The following FHOD3 variants were observed in gnomAD, a reference collection of about 807,000 sequenced individuals.
The protein encoded by FHOD3 is FH1/FH2 domain-containing protein 3.
In FHOD3, 90 loss-of-function variants were observed where a neutral mutation model predicts 173.0. That is an observed-to-expected ratio of 0.52 (90% CI 0.44 to 0.62). FHOD3 has a LOEUF of 0.62. Among genes scored for constraint, FHOD3 ranks in the 20% least tolerant of loss-of-function variants. FHOD3 has a pLI of 0.00. For synonymous variants in FHOD3, 828 were observed against 823.0 expected (o/e 1.01, Z -0.10); for missense variants, 1,945 against 2,034.7 (o/e 0.96, Z 0.85).
chr18:36,730,825 C>A (rs1437054976), intron 20 of FHOD3, 21 bp downstream of exon 20: 2 of 1,610,026 alleles, frequency 1.2e-6, no homozygotes, highest in Admixed American at 1.7e-5. Context: ...CTCTATTAAG[C>A]ATTATTTGTA....
At chr18:36,703,063 C>A (rs1286999614) in intron 17 of FHOD3, among the ~76,000 whole-genome samples, 2 of 152,152 alleles carry the variant, frequency 1.3e-5, no homozygotes, top group African/African-American at 2.4e-5. Flanking sequence ...ATAGGGAGGT[C>A]ATGGGACCAT....
At chr18:36,773,967 A>T (rs1473873922) in intron 28 of FHOD3, among the ~76,000 whole-genome samples, 2 of 152,212 alleles carry the variant, frequency 1.3e-5, no homozygotes, top group Admixed American at 1.3e-4. Context: ...TGGGAAGGGG[A>T]AAGGCAGTTT....
intron 3 of FHOD3, among the ~76,000 whole-genome samples, chr18:36,435,551 C>G (rs1018283017): frequency 1.3e-5 from 2 of 152,006 alleles, no homozygotes; most frequent in Non-Finnish European, 2.9e-5. Context: ...AAGACTACAT[C>G]AAAAATGTTT....
chr18:36,690,430 C>T (rs1488440331), intron 16 of FHOD3, among the ~76,000 whole-genome samples: 4 of 152,080 alleles, frequency 2.6e-5, no homozygotes, highest in East Asian at 1.9e-4. Flanking sequence ...AGCAGGGATA[C>T]GTGACAGTCA....
At chr18:36,299,916 G>A (rs1393813973) in intron 1 of FHOD3, among the ~76,000 whole-genome samples, 1 of 152,218 alleles carries the variant, frequency 6.6e-6, no homozygotes, top group Non-Finnish European at 1.5e-5. Context: ...CTTTATTGAT[G>A]AGGGTTCTGT....
At chr18:36,525,038 T>C (rs1345966582) in intron 5 of FHOD3, among the ~76,000 whole-genome samples, 1 of 152,192 alleles carries the variant, frequency 6.6e-6, no homozygotes, top group Non-Finnish European at 1.5e-5. Flanking sequence ...AATTCTAAGG[T>C]GGCCCAGAAG....
At chr18:36,365,045 A>G (rs1313408846) in intron 2 of FHOD3, among the ~76,000 whole-genome samples, 1 of 152,186 alleles carries the variant, frequency 6.6e-6, no homozygotes, top group Middle Eastern at 3.2e-3. Context: ...GTGGAAGACA[A>G]GAGAATGAGC....
In FHOD3 at chr18:36,608,999, A is replaced by G. The variant is rs138544525; in HGVS notation, c.814-2953A>G. Among the ~76,000 whole-genome samples, 6 of 152,366 alleles carry G rather than the reference A, an allele frequency of 3.9e-5. No individual in the cohort carries two copies. The South Asian group carries it at 6.2e-4, about 16-fold the overall frequency. ...GGCTTTGCCACAATGGTTTTATCCT[A>G]CAAGAAAGACTTGGTGCAATCAATG... On this transcript the variant is annotated intron_variant, in intron 8 of 28. Transcript: ENST00000590592.
intron 3 of FHOD3, among the ~76,000 whole-genome samples, chr18:36,497,268 G>A (rs1193271993): frequency 5.3e-5 from 8 of 152,182 alleles, no homozygotes; most frequent in Non-Finnish European, 8.8e-5. Context: ...GCAAAAAAGA[G>A]GAGAGGTTTT....
chr18:36,759,517 A>G (rs1368100955), intron 26 of FHOD3, among the ~76,000 whole-genome samples: 2 of 152,240 alleles, frequency 1.3e-5, no homozygotes, highest in African/African-American at 4.8e-5. Context: ...TCCTGAAATC[A>G]AAGAGGAAGT....
Position 36,556,412 on chromosome 18 carries a change from T to G in FHOD3, c.512-20039T>G, listed in dbSNP as rs192153586. ...GAGGGTCAACATTTTGTTCTGGTGG[T>G]TTAGCAGACCCAACTATGGAACTTG... On this transcript the variant is annotated intron_variant, in intron 5 of 28. Coordinates refer to ENST00000590592, the MANE Select transcript of FHOD3 (RefSeq NM_001281740.3). Among the ~76,000 whole-genome samples the G allele has an allele frequency of 4.3e-4, 65 of 152,312 alleles. No homozygotes were observed. In the East Asian group the frequency reaches 8.5e-3, roughly 20 times the overall value.
intron 28 of FHOD3, among the ~76,000 whole-genome samples, chr18:36,771,957 T>C (rs141928080): frequency 6.6e-6 from 1 of 152,322 alleles, no homozygotes; most frequent in Non-Finnish European, 1.5e-5. Flanking sequence ...CATGGCCCCA[T>C]CCTCTGGTCT....
chr18:36,667,019 T>C (rs967846741), intron 14 of FHOD3, among the ~76,000 whole-genome samples: 2 of 152,232 alleles, frequency 1.3e-5, no homozygotes, highest in South Asian at 4.1e-4. Context: ...AGGCAGTATA[T>C]ACTCTTTGAG....
chr18:36,669,875 G>A (rs543391788), intron 14 of FHOD3, among the ~76,000 whole-genome samples: 13 of 151,912 alleles, frequency 8.6e-5, no homozygotes, highest in Admixed American at 3.3e-4. Flanking sequence ...AATCAAGATG[G>A]CCATGTGGTA....
At chr18:36,553,424 A>T (rs1454744459) in intron 5 of FHOD3, among the ~76,000 whole-genome samples, 1 of 152,196 alleles carries the variant, frequency 6.6e-6, no homozygotes, top group Non-Finnish European at 1.5e-5. Context: ...CTGTGGTAGA[A>T]TTCGGCTGTG....
At chr18:36,695,012 G>A (rs1200763834) in intron 17 of FHOD3, among the ~76,000 whole-genome samples, 4 of 150,688 alleles carry the variant, frequency 2.7e-5, no homozygotes, top group Non-Finnish European at 3.0e-5. Context: ...TGTGTGTGTA[G>A]TATGCATTTG....
At chr18:36,412,540 ATAT>A (rs2049408904) in intron 3 of FHOD3, among the ~76,000 whole-genome samples, 1 of 152,226 alleles carries the variant, frequency 6.6e-6, no homozygotes, top group Admixed American at 6.5e-5. Context: ...TCTTGGAAAG[ATAT>A]TATGCGATTT....
chr18:36,494,954 G>A (rs2054664262), intron 3 of FHOD3, among the ~76,000 whole-genome samples: 1 of 152,092 alleles, frequency 6.6e-6, no homozygotes, highest in Non-Finnish European at 1.5e-5. Flanking sequence ...CAACTCTGAT[G>A]TGACAGCCCT....
chr18:36,568,035 G>T (rs1479717127), intron 5 of FHOD3, among the ~76,000 whole-genome samples: 3 of 151,570 alleles, frequency 2.0e-5, no homozygotes, highest in Admixed American at 2.0e-4. Context: ...TAAGAAGGGG[G>T]AGCCTCAGCT....
Sources: allele counts gnomAD v4.1 joint callset (sites outside exome capture counted in the v4.1 genomes callset), GRCh38; gene constraint gnomAD v4.1.1; transcripts MANE v1.5; gene names NCBI Gene and HGNC (gene_info 2026-07-23, HGNC 2026-07-21).